The following CHID1 variants were observed in gnomAD, a reference collection of about 807,000 sequenced individuals.
CHID1 encodes chitinase domain-containing protein 1.
A neutral mutation model predicts 55.4 loss-of-function variants in CHID1; 44 were observed. The observed-to-expected ratio is 0.79, with a 90% CI of 0.62 to 1.02. CHID1 has a LOEUF of 1.02. CHID1 is among the 50% of genes least tolerant of loss of function. CHID1 has a pLI of 0.00. For missense variants in CHID1, 491 were observed against 515.3 expected (o/e 0.95, Z 0.46); for synonymous variants, 216 against 212.9 (o/e 1.01, Z -0.13).
At chr11:914,329 C>T (rs539528124), upstream of CHID1, 44 of 282,616 alleles carry the variant, frequency 1.6e-4, no homozygotes, top group South Asian at 6.9e-4. Context: ...AGTGCCCTGG[C>T]GGAGGTCCAG....
intron 10 of CHID1, among the ~76,000 whole-genome samples, chr11:881,483 G>A (rs1379149383): frequency 6.4e-4 from 1 of 1,570 alleles, no homozygotes; most frequent in African/African-American, 1.0e-3. Context: ...AGGACGTCGG[G>A]CGGTAGGCTG....
chr11:913,885 T>C (rs1237841399), upstream of CHID1, among the ~76,000 whole-genome samples: 1 of 151,992 alleles, frequency 6.6e-6, no homozygotes, highest in Non-Finnish European at 1.5e-5. Flanking sequence ...GGCAACATGG[T>C]GAAACCCCGT....
At position 875,419 on chromosome 11, in the gene CHID1, C is replaced by T. The variant is rs937337421; in HGVS notation, c.960-4920G>A. 6.6e-6 allele frequency among the ~76,000 whole-genome samples: 1 copy of T among 152,240 alleles called. No homozygotes were observed. Among genetic ancestry groups the T allele is most frequent in the Admixed American group, 6.5e-5 (1 of 15,286 alleles). On this transcript the variant is annotated intron_variant, in intron 10 of 12. Transcript: ENST00000323578. This position sits in a 1 kb window ranked among gnomAD's most constrained non-coding sequence, Gnocchi z 4.7. ...CAGGTAATGCCAGCCAGTCCCTGCA[C>T]CTGGCCCCATTGGGGATGTGCTCAG... is the stretch of plus-strand genomic sequence containing the variant.
At chr11:879,378 T>C (rs1429249901) in intron 10 of CHID1, among the ~76,000 whole-genome samples, 1 of 128,618 alleles carries the variant, frequency 7.8e-6, no homozygotes, top group Non-Finnish European at 1.7e-5. Flanking sequence ...GAGGAAGTCT[T>C]TCAAGACGTG....
chr11:886,005 C>T (rs1404633023), intron 8 of CHID1, among the ~76,000 whole-genome samples: 2 of 151,916 alleles, frequency 1.3e-5, no homozygotes, highest in African/African-American at 2.4e-5. Context: ...AAAAATTAGC[C>T]GGGCGTGGTG....
intron 7 of CHID1, among the ~76,000 whole-genome samples, chr11:896,275 C>T (rs1306550189): frequency 7.3e-6 from 1 of 137,004 alleles, no homozygotes; most frequent in East Asian, 2.2e-4. Flanking sequence ...TGTCTCAGCA[C>T]CCCCAGCCTC....
rs754520811 is a variant in CHID1 at position 884,185 on chromosome 11, G to A, written c.702-16C>T. On this transcript the variant is annotated splice_polypyrimidine_tract_variant and intron_variant, in intron 8 of 12. Transcript: ENST00000323578. ...CTGGTCGGTCCTGTAACAGACAGGT[G>A]CAGCCACCTCAGGCTGCTATGCCCT... is the stretch of plus-strand genomic sequence containing the variant. The A allele has an allele frequency of 3.1e-6, 5 of 1,606,614 alleles. No homozygotes were observed. The highest frequency in any genetic ancestry group is 1.7e-5 in the Admixed American group (1 of 59,908).
At chr11:872,866 C>T (rs1053677472) in intron 10 of CHID1, among the ~76,000 whole-genome samples, 5 of 152,170 alleles carry the variant, frequency 3.3e-5, no homozygotes, top group African/African-American at 1.2e-4. Flanking sequence ...TGGGGGGCCT[C>T]TGTGGTCACT....
chr11:901,377 C>T (rs547418572), intron 4 of CHID1, among the ~76,000 whole-genome samples: 1 of 152,224 alleles, frequency 6.6e-6, no homozygotes, highest in Non-Finnish European at 1.5e-5. Context: ...ATCACCTCCC[C>T]ACGGTTCTCT....
intron 8 of CHID1, among the ~76,000 whole-genome samples, chr11:886,237 A>G (rs1319681457): frequency 2.0e-5 from 3 of 151,278 alleles, no homozygotes; most frequent in African/African-American, 4.9e-5. Flanking sequence ...AGGCAGGTCA[A>G]TCTCTTGAGC....
chr11:900,195 C>A, intron 5 of CHID1, 85 bp from the exon 6 acceptor site: 1 of 1,071,190 alleles, frequency 9.3e-7, no homozygotes, highest in South Asian at 1.3e-5. Context: ...AAAGGCATCC[C>A]CTTGGCCTCC....
At chr11:870,095 G>C (rs113580509) in intron 12 of CHID1, 26 bp downstream of exon 12, 2 of 1,532,862 alleles carry the variant, frequency 1.3e-6, no homozygotes, top group Non-Finnish European at 1.8e-6. Flanking sequence ...CCCCTCCCCC[G>C]GTCCCACGGC....
intron 8 of CHID1, among the ~76,000 whole-genome samples, chr11:891,285 C>T (rs1850796745): frequency 1.3e-5 from 2 of 152,108 alleles, no homozygotes; most frequent in African/African-American, 2.4e-5. Flanking sequence ...CCCACTTCCC[C>T]GGGGACCCCC....
chr11:905,248 G>A (rs1255608268), intron 1 of CHID1, among the ~76,000 whole-genome samples: 1 of 152,238 alleles, frequency 6.6e-6, no homozygotes, highest in Non-Finnish European at 1.5e-5. Flanking sequence ...AAATAATGAA[G>A]CCACAGGCTG....
At chr11:886,771 C>A (rs1241319207) in intron 8 of CHID1, among the ~76,000 whole-genome samples, 1 of 152,182 alleles carries the variant, frequency 6.6e-6, no homozygotes, top group Non-Finnish European at 1.5e-5. Context: ...CCACACAGAG[C>A]CCCCCAGCTC....
intron 2 of CHID1, chr11:903,791 AAG>A: frequency 5.1e-6 from 1 of 194,632 alleles, no homozygotes; most frequent in South Asian, 6.2e-5. Context: ...CAAAAAAAAA[AAG>A]AAAAGAACAT....
intron 10 of CHID1, among the ~76,000 whole-genome samples, chr11:872,083 C>T (rs1027326793): frequency 7.9e-5 from 12 of 152,212 alleles, no homozygotes; most frequent in Non-Finnish European, 1.6e-4. Flanking sequence ...AGACATCAGA[C>T]CCCGGCAAAC....
chr11:893,302 A>G, intron 8 of CHID1, 125 bp downstream of exon 8: 1 of 734,932 alleles, frequency 1.4e-6, no homozygotes, highest in Non-Finnish European at 2.3e-6. Context: ...AAGCCTCTAT[A>G]CAGACGGGAT....
chr11:896,921 G>A (rs868359477), intron 7 of CHID1, among the ~76,000 whole-genome samples: 1 of 41,494 alleles, frequency 2.4e-5, no homozygotes. Context: ...CCCCAGACAC[G>A]AGCCTGTCTC....
Sources: allele counts gnomAD v4.1 joint callset (sites outside exome capture counted in the v4.1 genomes callset), GRCh38; gene constraint gnomAD v4.1.1; non-coding constraint Gnocchi (gnomAD v3.1); transcripts MANE v1.5; gene names NCBI Gene and HGNC (gene_info 2026-07-23, HGNC 2026-07-21).